The following DCC variants were observed in gnomAD, a reference collection of about 807,000 sequenced individuals.
The protein encoded by DCC is netrin receptor DCC.
DCC carries 58 observed loss-of-function variants against 172.5 expected under a neutral mutation model. The observed-to-expected ratio is 0.34, with a 90% confidence interval of 0.27 to 0.42. The LOEUF (loss-of-function observed/expected upper bound fraction) is 0.42, where lower values mean the gene tolerates loss of function less well. DCC is among the 10% of genes least tolerant of loss of function. The probability of loss-of-function intolerance (pLI) is 1.00; values close to 1 mark genes in which losing one functional copy is unlikely to be tolerated. For synonymous variants in DCC, 709 were observed against 644.5 expected (o/e 1.10, Z -1.52); for missense variants, 1,740 against 1,791.0 (o/e 0.97, Z 0.51).
intron 15 of DCC, among the ~76,000 whole-genome samples, chr18:53,349,614 A>G (rs2057765012): frequency 6.6e-6 from 1 of 152,244 alleles, no homozygotes; most frequent in Admixed American, 6.5e-5. Flanking sequence ...TTACAGTTCC[A>G]TGTGGCTGGG....
At chr18:52,869,160 C>T (rs761864094) in intron 2 of DCC, among the ~76,000 whole-genome samples, 2 of 152,200 alleles carry the variant, frequency 1.3e-5, no homozygotes, top group African/African-American at 2.4e-5. Context: ...CTTTTAGCCT[C>T]GCCATTTGTT....
intron 2 of DCC, among the ~76,000 whole-genome samples, chr18:52,826,477 A>G (rs1311963125): frequency 6.6e-6 from 1 of 151,632 alleles, no homozygotes; most frequent in Non-Finnish European, 1.5e-5. Context: ...AATTTCTTCC[A>G]TTCTCTTTTT....
chr18:52,877,519 G>A (rs1351649874), intron 2 of DCC, among the ~76,000 whole-genome samples: 1 of 151,914 alleles, frequency 6.6e-6, no homozygotes, highest in African/African-American at 2.4e-5. Flanking sequence ...GACCATCCTG[G>A]GCAACATGGT....
At chr18:52,882,414 A>T (rs1247188505) in intron 2 of DCC, among the ~76,000 whole-genome samples, 2 of 150,192 alleles carry the variant, frequency 1.3e-5, no homozygotes, top group East Asian at 3.9e-4. Context: ...TTTGATGTAG[A>T]CACTTATAAC....
intron 2 of DCC, among the ~76,000 whole-genome samples, chr18:52,851,669 C>A (rs1006664358): frequency 2.0e-5 from 3 of 152,072 alleles, no homozygotes; most frequent in Admixed American, 6.6e-5. Context: ...CTGAAATGAA[C>A]AATGTCAAGT....
chr18:52,440,873 A>C (rs1452151433), intron 1 of DCC, among the ~76,000 whole-genome samples: 1 of 152,192 alleles, frequency 6.6e-6, no homozygotes. Context: ...AAGGAGAATC[A>C]TCCTCTGTAT....
At chr18:52,563,670 A>G (rs2033091055) in intron 1 of DCC, among the ~76,000 whole-genome samples, 1 of 152,182 alleles carries the variant, frequency 6.6e-6, no homozygotes, top group South Asian at 2.1e-4. Context: ...TAAATAGAGT[A>G]TACACAGCTT....
intron 1 of DCC, among the ~76,000 whole-genome samples, chr18:52,366,417 C>T (rs1189097237): frequency 6.6e-6 from 1 of 152,142 alleles, no homozygotes; most frequent in African/African-American, 2.4e-5. Context: ...TCTTATCTGG[C>T]CCCACCCACA....
intron 1 of DCC, among the ~76,000 whole-genome samples, chr18:52,630,835 T>A (rs1236645359): frequency 6.6e-6 from 1 of 152,216 alleles, no homozygotes; most frequent in Non-Finnish European, 1.5e-5. Flanking sequence ...ACACAGCAAG[T>A]CATCCACACA....
At chr18:52,508,164 C>T (rs1049585778) in intron 1 of DCC, among the ~76,000 whole-genome samples, 14 of 152,068 alleles carry the variant, frequency 9.2e-5, no homozygotes, top group African/African-American at 3.1e-4. Context: ...ATAAATGACC[C>T]TCTTCAATTA....
At chr18:53,407,528 G>GATAGATATATATATATATATATATAT in intron 19 of DCC, among the ~76,000 whole-genome samples, 1 of 117,446 alleles carries the variant, frequency 8.5e-6, no homozygotes, top group East Asian at 3.2e-4. Context: ...TTTTATTCTG[G>GATAGATATATATATATATATATATAT]ATATATATAT....
At chr18:53,057,169 C>T (rs1164452218) in intron 5 of DCC, among the ~76,000 whole-genome samples, 1 of 149,414 alleles carries the variant, frequency 6.7e-6, no homozygotes, top group Admixed American at 6.7e-5. Flanking sequence ...CGAAATAAAA[C>T]CCATAATACT....
intron 7 of DCC, among the ~76,000 whole-genome samples, chr18:53,103,828 C>T (rs1184410094): frequency 6.6e-6 from 1 of 151,962 alleles, no homozygotes; most frequent in Non-Finnish European, 1.5e-5. Flanking sequence ...AAAGGTTAAG[C>T]ATGTGAGTGT....
At chr18:52,795,344 C>T (rs188185913) in intron 2 of DCC, among the ~76,000 whole-genome samples, 1 of 152,006 alleles carries the variant, frequency 6.6e-6, no homozygotes, top group Admixed American at 6.6e-5. Context: ...CTGTCTAGAT[C>T]AGTCTTAGTA....
chr18:53,301,487 T>A (rs1462070350), intron 12 of DCC, among the ~76,000 whole-genome samples: 1 of 152,122 alleles, frequency 6.6e-6, no homozygotes, highest in Admixed American at 6.5e-5. Flanking sequence ...AAACTTAATT[T>A]AAATATTTTC....
chr18:53,088,034 C>A (rs1457762306), intron 7 of DCC, among the ~76,000 whole-genome samples: 4 of 152,096 alleles, frequency 2.6e-5, no homozygotes, highest in South Asian at 2.1e-4. Flanking sequence ...AGTCAGGTAG[C>A]GTGATGCCTC....
At chr18:53,260,699 G>A (rs1434138128) in intron 12 of DCC, among the ~76,000 whole-genome samples, 1 of 152,182 alleles carries the variant, frequency 6.6e-6, no homozygotes, top group African/African-American at 2.4e-5. Flanking sequence ...CTCCAGCCAT[G>A]TGCTGGGAGA....
chr18:52,890,538 T>G (rs1323789957), intron 2 of DCC, among the ~76,000 whole-genome samples: 1 of 152,138 alleles, frequency 6.6e-6, no homozygotes, highest in East Asian at 1.9e-4. Flanking sequence ...GATTTAAGCT[T>G]AAAGTTAGGT....
chr18:52,942,234 A>G (rs2040475067), intron 5 of DCC, among the ~76,000 whole-genome samples: 1 of 152,192 alleles, frequency 6.6e-6, no homozygotes. Context: ...GGGTTTTTAT[A>G]TATTAAAATT....
Sources: gnomAD v4.1 joint callset for allele counts (sites outside exome capture counted in the v4.1 genomes callset) on GRCh38, gnomAD v4.1.1 for gene constraint, MANE v1.5 for transcripts, NCBI Gene and HGNC (gene_info 2026-07-23, HGNC 2026-07-21) for gene names.